SLC2A10: variants seen among roughly 807,000 people sequenced by gnomAD.
SLC2A10 encodes solute carrier family 2 member 10, also known as solute carrier family 2, facilitated glucose transporter member 10.
SLC2A10 carries 25 observed loss-of-function variants against 32.1 expected under a neutral mutation model. That is an observed-to-expected ratio of 0.78 (90% CI 0.57 to 1.09). The LOEUF is 1.09. Among genes scored for constraint, SLC2A10 ranks in the 50% least tolerant of loss-of-function variants. The pLI is 0.00. For missense variants in SLC2A10, 673 were observed against 686.5 expected, an observed-to-expected ratio of 0.98 and a Z score of 0.22; for synonymous variants, 332 against 309.6, an observed-to-expected ratio of 1.07 and a Z score of -0.76.
intron 1 of SLC2A10, among the ~76,000 whole-genome samples, chr20:46,723,880 T>C (rs1226154700): frequency 1.3e-5 from 2 of 152,252 alleles, no homozygotes; most frequent in East Asian, 1.9e-4. Flanking sequence ...TGATATGTTA[T>C]AGGGTAGCTG....
At chr20:46,731,216 C>T (rs1980281789) in intron 4 of SLC2A10, among the ~76,000 whole-genome samples, 2 of 152,184 alleles carry the variant, frequency 1.3e-5, no homozygotes. Context: ...TCTGCCACCT[C>T]TTCCATATCA....
At chr20:46,728,604 G>GTTTTTTTTTTTT (rs778644499) in intron 3 of SLC2A10, among the ~76,000 whole-genome samples, 2 of 101,352 alleles carry the variant, frequency 2.0e-5, no homozygotes, top group Non-Finnish European at 1.9e-5. Flanking sequence ...TTCTGGGTGT[G>GTTTTTTTTTTTT]TTTTTTTTTT....
chr20:46,735,493 A>G lies in SLC2A10; in HGVS notation c.*1659A>G, dbSNP rs1203864425. 6.6e-6 allele frequency: 1 copy of G among 152,280 alleles called. No individual in the cohort carries two copies. Among genetic ancestry groups the G allele is most frequent in the African/African-American group, 2.4e-5 (1 of 41,464 alleles). 9.4% of individuals were successfully genotyped at this position (152,280 alleles called of 1,614,324 possible). On this transcript the variant is annotated 3_prime_UTR_variant, in exon 5 of 5. Transcript: ENST00000359271. ...TCAAAATTCATTACTTAATTTTACT[A>G]CCTGTTACTATTATCTGTGCTTTTG...
intron 4 of SLC2A10, 21 bp downstream of exon 4, chr20:46,729,509 G>A (rs751726585): frequency 1.2e-6 from 2 of 1,613,818 alleles, no homozygotes; most frequent in East Asian, 2.2e-5. Context: ...GACAGGGTGG[G>A]TCTGGGGGAA....
At chr20:46,729,088 G>T (rs1175297395) in intron 3 of SLC2A10, among the ~76,000 whole-genome samples, 1 of 152,200 alleles carries the variant, frequency 6.6e-6, no homozygotes, top group Non-Finnish European at 1.5e-5. Flanking sequence ...TGGGTGAGGG[G>T]CCTTTCCCAT....
chr20:46,733,889 C>T lies in SLC2A10; in HGVS notation c.*55C>T, dbSNP rs1474173102. On this transcript the variant is annotated 3_prime_UTR_variant, in exon 5 of 5. Transcript: ENST00000359271. ...TGTGGCTTTGGCAGACCATCTCCAG[C>T]ATCCTGCTTCCTAGGCCCCAGAGCA... is the stretch of plus-strand genomic sequence containing the variant. The T allele has an allele frequency of 1.3e-6, 2 of 1,538,522 alleles. No individual in the cohort carries two copies. The highest frequency in any genetic ancestry group is 1.4e-5 in the African/African-American group (1 of 73,210).
chr20:46,708,475 T>C (rs1457777193), upstream of SLC2A10, among the ~76,000 whole-genome samples: 1 of 152,190 alleles, frequency 6.6e-6, no homozygotes, highest in African/African-American at 2.4e-5. Flanking sequence ...GGATGCCTGC[T>C]GAGCACCTCA....
chr20:46,708,814 A>G (rs1340280609), upstream of SLC2A10, among the ~76,000 whole-genome samples: 1 of 152,100 alleles, frequency 6.6e-6, no homozygotes, highest in African/African-American at 2.4e-5. Context: ...CCTCTGCTCC[A>G]GACACTCTGG....
intron 3 of SLC2A10, among the ~76,000 whole-genome samples, chr20:46,728,980 C>T (rs374925787): frequency 6.6e-6 from 1 of 151,892 alleles, no homozygotes; most frequent in Non-Finnish European, 1.5e-5. Context: ...TTGCCAAGGC[C>T]GTGTCCATGC....
chr20:46,724,640 T>C (rs1452897057), intron 1 of SLC2A10, among the ~76,000 whole-genome samples: 1 of 138,894 alleles, frequency 7.2e-6, no homozygotes, highest in Non-Finnish European at 1.6e-5. Flanking sequence ...GATGGATGGA[T>C]GGATGGATGG....
At chr20:46,710,693 G>A (rs1297738341) in intron 1 of SLC2A10, among the ~76,000 whole-genome samples, 1 of 152,174 alleles carries the variant, frequency 6.6e-6, no homozygotes, top group African/African-American at 2.4e-5. Context: ...GCAGGAATGA[G>A]TTTGTGTGGC....
At chr20:46,720,052 T>C (rs1435249264) in intron 1 of SLC2A10, among the ~76,000 whole-genome samples, 2 of 152,184 alleles carry the variant, frequency 1.3e-5, no homozygotes, top group African/African-American at 2.4e-5. Flanking sequence ...AGGAACAGCA[T>C]CCATTGTTTC....
At chr20:46,719,369 GC>G in intron 1 of SLC2A10, among the ~76,000 whole-genome samples, 1 of 152,302 alleles carries the variant, frequency 6.6e-6, no homozygotes, top group Middle Eastern at 3.4e-3. Flanking sequence ...TTTTCATGCT[GC>G]TGATAAAGAC....
At chr20:46,726,358 A>G in intron 2 of SLC2A10, 34 bp downstream of exon 2, 1 of 1,598,960 alleles carries the variant, frequency 6.3e-7, no homozygotes, top group Non-Finnish European at 8.5e-7. Flanking sequence ...GACTCTGGAG[A>G]CTTCTACCCC....
chr20:46,729,259 C>A, intron 3 of SLC2A10, 94 bp from the exon 4 acceptor site: 1 of 1,530,146 alleles, frequency 6.5e-7, no homozygotes, highest in Non-Finnish European at 9.0e-7. Flanking sequence ...AGTGAACTGA[C>A]TTTCCATGCC....
rs777323625 is a variant in SLC2A10, at chr20:46,726,262, G to A, written c.1226G>A (p.Arg409His). ...PLPARGHALL[R>H]WTALLCLMVF... ...CCCGCTCGGGGGCATGCACTGCTGC[G>A]CTGGACCGCACTGCTGTGCCTGATG... The change falls in exon 2 of 5, where the codon CGC (arginine) becomes CAC (histidine). Residue 409 changes from arginine to histidine, a missense_variant. Arg to His is a conservative substitution (Grantham distance 29). Coordinates refer to ENST00000359271, the MANE Select transcript of SLC2A10 (RefSeq NM_030777.4). 7.4e-6 allele frequency: 12 copies of A among 1,613,086 alleles called. No individual in the cohort carries two copies. The South Asian group carries it at 7.7e-5, about 10-fold the overall frequency.
chr20:46,730,432 G>A (rs1028029096), intron 4 of SLC2A10, among the ~76,000 whole-genome samples: 1 of 152,310 alleles, frequency 6.6e-6, no homozygotes, highest in East Asian at 1.9e-4. Context: ...AAGAAGAAAG[G>A]GGTTGTGGCT....
At chr20:46,727,113 T>C in intron 3 of SLC2A10, 127 bp downstream of exon 3, 1 of 1,283,738 alleles carries the variant, frequency 7.8e-7, no homozygotes, top group Non-Finnish European at 1.1e-6. Flanking sequence ...CATCATCAAA[T>C]GTCCAAGACG....
rs746966441 is a variant in SLC2A10 at position 46,725,296 on chromosome 20, C to T, written c.260C>T (p.Ala87Val). ...CTCGGGAGCAACTTGGTGCTGCTGG[C>T]AGGCAGCCTGACCCTGGGCCTGGCT... is the stretch of plus-strand genomic sequence containing the variant. ...AILGSNLVLLAGSLTLGLAGS... is the reference protein window; with the variant it reads ...AILGSNLVLLVGSLTLGLAGS... The change falls in exon 2 of 5, where the codon GCA becomes GTA. Residue 87 changes from alanine to valine, a missense_variant. By Grantham distance (64) the Ala-to-Val change is moderately conservative. Transcript: ENST00000359271. 3 of 1,614,134 alleles carry T rather than the reference C, an allele frequency of 1.9e-6. No homozygotes were observed. The highest frequency in any genetic ancestry group is 2.5e-6 in the Non-Finnish European group (3 of 1,180,052).
Sources: allele counts gnomAD v4.1 joint callset (sites outside exome capture counted in the v4.1 genomes callset), GRCh38; gene constraint gnomAD v4.1.1; transcripts MANE v1.5; gene names NCBI Gene and HGNC (gene_info 2026-07-23, HGNC 2026-07-21).